BRICD5: variants seen among roughly 807,000 people sequenced by gnomAD.
The protein encoded by BRICD5 is BRICHOS domain containing 5, also known as BRICHOS domain-containing protein 5.
A neutral mutation model predicts 28.4 loss-of-function variants in BRICD5; 51 were observed. That is an observed-to-expected ratio of 1.80 (90% CI 1.43 to 2.27). BRICD5 has a LOEUF of 2.27. Ranked by LOEUF, BRICD5 falls within the 30% of genes most tolerant of loss-of-function variation. The probability of loss-of-function intolerance (pLI) is 0.00; values close to 1 mark genes in which losing one functional copy is unlikely to be tolerated. For missense variants in BRICD5, 456 were observed against 309.6 expected (o/e 1.47, Z -3.55); for synonymous variants, 177 against 130.2 (o/e 1.36, Z -2.44).
At position 2,210,847 on chromosome 16, in the gene BRICD5, C is replaced by G; in HGVS notation, c.-14G>C. 3 of 1,600,954 alleles carry G rather than the reference C, an allele frequency of 1.9e-6. No homozygotes were observed. Among genetic ancestry groups the G allele is most frequent in the Non-Finnish European group, 2.5e-6 (3 of 1,179,882 alleles). ...TGCTGGTTCCATCCTGCAGCCCCTG[C>G]TCACAATGTGCCGATTGTCTGCGTC... On this transcript the variant is annotated 5_prime_UTR_variant, in exon 1 of 6. Coordinates refer to ENST00000328540, the MANE Select transcript of BRICD5 (RefSeq NM_182563.4).
rs922551883 is a variant in BRICD5, at chr16:2,210,532, C to A, written c.170G>T (p.Gly57Val). The change falls in exon 2 of 6, where the codon GGC becomes GTC. Residue 57 changes from glycine (G) to valine (V), a missense_variant. Transcript: ENST00000328540. ...VAGGLLGSAQGPPKPRLQTLR... is the reference protein window; with the variant it reads ...VAGGLLGSAQVPPKPRLQTLR... Reference sequence around the variant, plus strand: ...TGAGGAGGGGCTCACCTTGGGAGGGCCCTGAGCAGAGCCAAGAAGCCCTCC... The same window carrying A: ...TGAGGAGGGGCTCACCTTGGGAGGGACCTGAGCAGAGCCAAGAAGCCCTCC... 10 of 1,610,094 alleles carry A rather than the reference C, an allele frequency of 6.2e-6. No individual in the cohort carries two copies. The East Asian group carries it at 2.2e-4, about 36-fold the overall frequency.
Position 2,209,949 on chromosome 16 carries a change from C to A in BRICD5, c.438+1G>T, listed in dbSNP as rs1397005373. ...GGCCTGCGCCCAGCAGGACGGCTCA[C>A]CTTGGAGGTATCCACCAGCAGCCGC... On this transcript the variant is annotated splice_donor_variant, in intron 4 of 5. Transcript: ENST00000328540. LOFTEE classifies it high-confidence loss of function. The A allele has an allele frequency of 5.9e-6, 9 of 1,527,308 alleles. No individual in the cohort carries two copies. Among genetic ancestry groups the A allele is most frequent in the Non-Finnish European group, 7.0e-6 (8 of 1,135,456 alleles). The allele number at this position is 1,527,308 out of a possible 1,614,324, so 94.6% of individuals were successfully genotyped here.
chr16:2,210,086 G>A, intron 3 of BRICD5, 35 bp from the exon 4 acceptor site: 1 of 1,602,704 alleles, frequency 6.2e-7, no homozygotes, highest in Non-Finnish European at 8.5e-7. Context: ...GGGCCCCCCA[G>A]ACCGACACCT....
Position 2,210,569 on chromosome 16 carries a change from C to G in BRICD5, c.133G>C (p.Gly45Arg). 6.2e-7 allele frequency: 1 copy of G among 1,612,590 alleles called. No individual in the cohort carries two copies. Among genetic ancestry groups the G allele is most frequent in the Non-Finnish European group, 8.5e-7 (1 of 1,179,700 alleles). ...LLLLLVLAAV[G>R]VVAGGLLGSA... The stretch of plus-strand genomic sequence containing the variant: ...CCAAGAAGCCCTCCAGCCACAACCC[C>G]CACAGCGGCCAGCACCAGCAGCAGC... The change falls in exon 2 of 6, where the codon GGG becomes CGG. Residue 45 changes from glycine to arginine, a missense_variant. Gly to Arg is a moderately radical substitution (Grantham distance 125). Coordinates refer to ENST00000328540, the MANE Select transcript of BRICD5 (RefSeq NM_182563.4).
intron 1 of BRICD5, 61 bp downstream of exon 1, chr16:2,210,722 G>C (rs774805682): frequency 1.2e-6 from 2 of 1,609,826 alleles, no homozygotes; most frequent in African/African-American, 2.7e-5. Flanking sequence ...GGGAAGGGAG[G>C]GGCTGGGTGG....
Position 2,209,460 on chromosome 16 carries a change from T to C in BRICD5, c.593-4A>G. ...ATCAGCCGCTGTCTCCGGGGCCCTG[T>C]GGCGAGGGTGCCGTGAATCTCCAAG... On this transcript the variant is annotated splice_polypyrimidine_tract_variant and splice_region_variant and intron_variant, in intron 5 of 5. Coordinates refer to ENST00000328540, the MANE Select transcript of BRICD5 (RefSeq NM_182563.4). 1 of 1,613,514 alleles carries C rather than the reference T, an allele frequency of 6.2e-7. No individual in the cohort carries two copies. The highest frequency in any genetic ancestry group is 8.5e-7 in the Non-Finnish European group (1 of 1,179,988).
In BRICD5 at chr16:2,210,628, C is replaced by A; in HGVS notation, c.74G>T (p.Gly25Val). The A allele has an allele frequency of 6.2e-7, 1 of 1,612,066 alleles. No homozygotes were observed. The highest frequency in any genetic ancestry group is 2.2e-5 in the East Asian group (1 of 44,860). ...GAGCAGGCTCACGGCTCTCCAGCCC[C>A]CGCAGGAGGGCTTGGTCTTCACCTG... ...PTGVKTKPSCGGWRAVSLLLL... is the reference protein window; with the variant it reads ...PTGVKTKPSCVGWRAVSLLLL... The change falls in exon 2 of 6, where the codon GGG becomes GTG. Residue 25 changes from glycine (G) to valine (V), a missense_variant. Gly to Val is a moderately radical substitution (Grantham distance 109). Transcript: ENST00000328540.
chr16:2,210,831 C>CATCCTGCAG lies in BRICD5; in HGVS notation c.-7_2dup (p.Asp1_?0), dbSNP rs1209909864. ...GCTCAGCACAGCAGCTTGCTGGTTC[C>CATCCTGCAG]ATCCTGCAGCCCCTGCTCACAATGT... is the stretch of plus-strand genomic sequence containing the variant. On this transcript the variant is annotated start_lost and start_retained_variant, in exon 1 of 6. Transcript: ENST00000328540. 6.2e-7 allele frequency: 1 copy of CATCCTGCAG among 1,602,222 alleles called. No individual in the cohort carries two copies. The highest frequency in any genetic ancestry group is 2.2e-5 in the East Asian group (1 of 44,874).
At chr16:2,209,768 G>T in intron 4 of BRICD5, 62 bp from the exon 5 acceptor site, 1 of 1,507,156 alleles carries the variant, frequency 6.6e-7, no homozygotes, top group South Asian at 1.3e-5. Context: ...GCTTGGCAGG[G>T]CCGGGTACCC....
chr16:2,209,418 T>C lies in BRICD5; in HGVS notation c.631A>G (p.Ile211Val), dbSNP rs1367567146. ...ACGCAGATGTTGCTCGGGAAGCAGA[T>C]GTCGATGCAGAGATAAATCAGCCGC... is the stretch of plus-strand genomic sequence containing the variant. ...RQRLIYLCIDICFPSNICVSV... is the reference protein window; with the variant it reads ...RQRLIYLCIDVCFPSNICVSV... Residue 211 changes from isoleucine to valine, a missense_variant, in exon 6 of 6, where the codon ATC (isoleucine) becomes GTC (valine). Coordinates refer to ENST00000328540, the MANE Select transcript of BRICD5 (RefSeq NM_182563.4). 1.2e-6 allele frequency: 2 copies of C among 1,613,680 alleles called. No individual in the cohort carries two copies. The highest frequency in any genetic ancestry group is 1.7e-6 in the Non-Finnish European group (2 of 1,179,984).
At chr16:2,209,822 C>A in intron 4 of BRICD5, 116 bp from the exon 5 acceptor site, 3 of 1,407,790 alleles carry the variant, frequency 2.1e-6, no homozygotes, top group Non-Finnish European at 2.9e-6. Flanking sequence ...TTGTCAGCAG[C>A]CTGGGCTTAG....
In BRICD5 at chr16:2,209,388, C is replaced by T. The variant is rs1358519020; in HGVS notation, c.661G>A (p.Val221Ile). 3 of 1,613,532 alleles carry T rather than the reference C, an allele frequency of 1.9e-6. No homozygotes were observed. Among genetic ancestry groups the T allele is most frequent in the Non-Finnish European group, 2.5e-6 (3 of 1,179,864 alleles). Residue 221 changes from valine (V) to isoleucine (I), a missense_variant, in exon 6 of 6, where the codon GTC becomes ATC. Coordinates refer to ENST00000328540, the MANE Select transcript of BRICD5 (RefSeq NM_182563.4). ...CAGTCTGGGAGGTAATAAAAGCAGACCGACACGCAGATGTTGCTCGGGAAG... is the reference window on the plus strand; with the variant it reads ...CAGTCTGGGAGGTAATAAAAGCAGATCGACACGCAGATGTTGCTCGGGAAG... ...ICFPSNICVS[V>I]CFYYLPD
At position 2,210,628 on chromosome 16, in the gene BRICD5, C is replaced by G. The variant is rs1034545923; in HGVS notation, c.74G>C (p.Gly25Ala). The change falls in exon 2 of 6, where the codon GGG (glycine) becomes GCG (alanine). Residue 25 changes from glycine (G) to alanine (A), a missense_variant. Transcript: ENST00000328540. ...PTGVKTKPSC[G>A]GWRAVSLLLL... Reference sequence around the variant, plus strand: ...GAGCAGGCTCACGGCTCTCCAGCCCCCGCAGGAGGGCTTGGTCTTCACCTG... The same window carrying G: ...GAGCAGGCTCACGGCTCTCCAGCCCGCGCAGGAGGGCTTGGTCTTCACCTG... 2.5e-6 allele frequency: 4 copies of G among 1,611,948 alleles called. No individual in the cohort carries two copies. The highest frequency in any genetic ancestry group is 3.4e-6 in the Non-Finnish European group (4 of 1,179,358).
chr16:2,209,618 T>C lies in BRICD5; in HGVS notation c.527A>G (p.Gln176Arg). The C allele has an allele frequency of 5.6e-6, 9 of 1,613,174 alleles. No homozygotes were observed. The highest frequency in any genetic ancestry group is 7.6e-6 in the Non-Finnish European group (9 of 1,179,936). ...CAGGCGCTGCACCAAAGCCCCCGCCTGGGCGGGGTCCACTTCGAGGCTCCC... is the reference window on the plus strand; with the variant it reads ...CAGGCGCTGCACCAAAGCCCCCGCCCGGGCGGGGTCCACTTCGAGGCTCCC... ...VQGSLEVDPA[Q>R]AGALVQRLCM... Residue 176 changes from glutamine (Q) to arginine (R), a missense_variant, in exon 5 of 6, where the codon CAG becomes CGG. Physicochemically the swap from Gln to Arg is conservative, Grantham distance 43. Coordinates refer to ENST00000328540, the MANE Select transcript of BRICD5 (RefSeq NM_182563.4).
rs920709080 is a variant in BRICD5, at chr16:2,210,283, T to C, written c.181-2A>G. 6.6e-7 allele frequency: 1 copy of C among 1,524,090 alleles called. No individual in the cohort carries two copies. Among genetic ancestry groups the C allele is most frequent in the Non-Finnish European group, 8.8e-7 (1 of 1,133,582 alleles). The allele number at this position is 1,524,090 out of a possible 1,614,324, so 94.4% of individuals were successfully genotyped here. On this transcript the variant is annotated splice_acceptor_variant, in intron 2 of 5. Coordinates refer to ENST00000328540, the MANE Select transcript of BRICD5 (RefSeq NM_182563.4). LOFTEE classifies it high-confidence loss of function. ...CATTCGCAGCGTCTGCAGCCTTGGCTGGCAGTGGGAGTTGGAGTTCAGCCG... is the reference window on the plus strand; with the variant it reads ...CATTCGCAGCGTCTGCAGCCTTGGCCGGCAGTGGGAGTTGGAGTTCAGCCG...
intron 4 of BRICD5, 92 bp from the exon 5 acceptor site, chr16:2,209,798 C>T: frequency 7.0e-7 from 1 of 1,428,462 alleles, no homozygotes; most frequent in Non-Finnish European, 9.5e-7. Context: ...CAGTGATGTC[C>T]CCACCCTCAG....
At position 2,209,472 on chromosome 16, in the gene BRICD5, C is replaced by CG; in HGVS notation, c.593-17dup. The stretch of plus-strand genomic sequence containing the variant: ...CTCCGGGGCCCTGTGGCGAGGGTGC[C>CG]GTGAATCTCCAAGGGCTCCGCCCCC... On this transcript the variant is annotated splice_polypyrimidine_tract_variant and intron_variant, in intron 5 of 5. Coordinates refer to ENST00000328540, the MANE Select transcript of BRICD5 (RefSeq NM_182563.4). 1 of 1,613,398 alleles carries CG rather than the reference C, an allele frequency of 6.2e-7. No homozygotes were observed.
chr16:2,209,407 C>T lies in BRICD5; in HGVS notation c.642G>A (p.Pro214=), dbSNP rs777961697. The change falls in exon 6 of 6, where the codon CCG becomes CCA. Residue 214 remains proline (P), a synonymous_variant. Transcript: ENST00000328540. Reference sequence around the variant, plus strand: ...AGCAGACCGACACGCAGATGTTGCTCGGGAAGCAGATGTCGATGCAGAGAT... The same window carrying T: ...AGCAGACCGACACGCAGATGTTGCTTGGGAAGCAGATGTCGATGCAGAGAT... ...LIYLCIDICF[P]SNICVSVCFY... 554 of 1,613,674 alleles carry T rather than the reference C, an allele frequency of 3.4e-4. No individual in the cohort carries two copies. The highest frequency in any genetic ancestry group is 6.3e-4 in the Admixed American group (38 of 59,996).
rs2093367994 is a variant in BRICD5 at position 2,210,298 on chromosome 16, G to A, written c.181-17C>T. ...CAGCCTTGGCTGGCAGTGGGAGTTG[G>A]AGTTCAGCCGGGCAGCTGTGCAACC... On this transcript the variant is annotated splice_polypyrimidine_tract_variant and intron_variant, in intron 2 of 5. Coordinates refer to ENST00000328540, the MANE Select transcript of BRICD5 (RefSeq NM_182563.4). 6.6e-7 allele frequency: 1 copy of A among 1,513,670 alleles called. No individual in the cohort carries two copies. Among genetic ancestry groups the A allele is most frequent in the Non-Finnish European group, 8.9e-7 (1 of 1,127,850 alleles). 93.8% of individuals were successfully genotyped at this position (1,513,670 alleles called of 1,614,324 possible).
Sources: allele counts gnomAD v4.1 joint callset, GRCh38; gene constraint gnomAD v4.1.1; transcripts MANE v1.5; gene names NCBI Gene and HGNC (gene_info 2026-07-23, HGNC 2026-07-21).